OSBPL8: variants seen among roughly 807,000 people sequenced by gnomAD.
OSBPL8 encodes oxysterol-binding protein-related protein 8.
A neutral mutation model predicts 125.5 loss-of-function variants in OSBPL8; 59 were observed. The ratio of observed to expected loss-of-function variants is 0.47; its 90% CI spans 0.38 to 0.58. The LOEUF (loss-of-function observed/expected upper bound fraction) is 0.58, where lower values mean the gene tolerates loss of function less well. Ranked by LOEUF, OSBPL8 falls within the 20% of genes least tolerant of loss-of-function variation. OSBPL8 has a pLI of 0.00. For missense variants in OSBPL8, 758 were observed against 1,047.8 expected (o/e 0.72, Z 3.82); for synonymous variants, 330 against 338.9 (o/e 0.97, Z 0.29).
chr12:76,487,793 G>C (rs1878314913), intron 1 of OSBPL8, among the ~76,000 whole-genome samples, 175 bp from the exon 2 acceptor site: 1 of 151,988 alleles, frequency 6.6e-6, no homozygotes, highest in Non-Finnish European at 1.5e-5. Flanking sequence ...AGAGAAAAAT[G>C]AAAGAAGAAA....
intron 1 of OSBPL8, among the ~76,000 whole-genome samples, chr12:76,513,741 T>TG (rs1416721008): frequency 7.1e-6 from 1 of 141,490 alleles, no homozygotes; most frequent in Non-Finnish European, 1.5e-5. Flanking sequence ...TTCTAACCCC[T>TG]GGGTTTTTTT....
At chr12:76,498,621 T>C (rs1694025913) in intron 1 of OSBPL8, among the ~76,000 whole-genome samples, 1 of 152,192 alleles carries the variant, frequency 6.6e-6, no homozygotes, top group Admixed American at 6.5e-5. Context: ...AAGCTCTCAT[T>C]TGAATTTCTT....
intron 1 of OSBPL8, among the ~76,000 whole-genome samples, chr12:76,530,914 T>C (rs954569068): frequency 6.6e-6 from 1 of 152,218 alleles, no homozygotes; most frequent in Admixed American, 6.5e-5. Flanking sequence ...TAAGTTCTCA[T>C]CAATGAACTA....
intron 4 of OSBPL8, among the ~76,000 whole-genome samples, chr12:76,448,453 C>T (rs564636470): frequency 1.9e-4 from 29 of 148,814 alleles, no homozygotes; most frequent in Non-Finnish European, 3.7e-4. Flanking sequence ...ATGCACAGTG[C>T]AAAAAAAAAC....
chr12:76,508,435 C>T (rs934873805), intron 1 of OSBPL8, among the ~76,000 whole-genome samples: 10 of 152,256 alleles, frequency 6.6e-5, no homozygotes, highest in South Asian at 4.2e-4. Context: ...CTAGTGACAT[C>T]ACAGCCATGG....
At chr12:76,365,946 C>G (rs761162923) in intron 21 of OSBPL8, among the ~76,000 whole-genome samples, 1 of 152,120 alleles carries the variant, frequency 6.6e-6, no homozygotes, top group Non-Finnish European at 1.5e-5. Flanking sequence ...TCCACTTGGT[C>G]ATGGTGTATA....
chr12:76,387,530 T>C (rs541131239), intron 12 of OSBPL8, among the ~76,000 whole-genome samples: 7 of 152,168 alleles, frequency 4.6e-5, no homozygotes, highest in African/African-American at 7.2e-5. Flanking sequence ...TTTGTTGCAA[T>C]CGTTGCAAAA....
chr12:76,548,112 C>T (rs1370899023), intron 1 of OSBPL8, among the ~76,000 whole-genome samples: 2 of 152,000 alleles, frequency 1.3e-5, no homozygotes, highest in African/African-American at 2.4e-5. Context: ...AAAGATGGGG[C>T]GCTAAATACA....
chr12:76,486,884 G>A (rs905446190), intron 2 of OSBPL8, among the ~76,000 whole-genome samples: 3 of 151,980 alleles, frequency 2.0e-5, no homozygotes, highest in African/African-American at 7.3e-5. Context: ...AAGAGGTTTT[G>A]GGAGAAAACA....
At chr12:76,396,274 T>TC (rs1291227040) in intron 8 of OSBPL8, among the ~76,000 whole-genome samples, 3 of 152,072 alleles carry the variant, frequency 2.0e-5, no homozygotes, top group African/African-American at 7.2e-5. Context: ...GATTAAAAAG[T>TC]CCAAGTCTTT....
chr12:76,358,883 CA>C lies in OSBPL8; in HGVS notation c.2329-73del, dbSNP rs375301562. 7,804 of 1,110,038 alleles carry C rather than the reference CA, an allele frequency of 7.0e-3. 42 individuals are homozygous for C. Among genetic ancestry groups the C allele is most frequent in the Middle Eastern group, 0.014 (67 of 4,818 alleles). The allele number at this position is 1,110,038 out of a possible 1,614,324, so 68.8% of individuals were successfully genotyped here. On this transcript the variant is annotated intron_variant, in intron 21 of 23. Coordinates refer to ENST00000261183, the MANE Select transcript of OSBPL8 (RefSeq NM_020841.5). ...CTAAAGACCAACTGTGTACAATTGTCAAAATTATCTGCACATAGGCATGATA... is the reference window on the plus strand; with the variant it reads ...CTAAAGACCAACTGTGTACAATTGTCAAATTATCTGCACATAGGCATGATA...
intron 2 of OSBPL8, among the ~76,000 whole-genome samples, chr12:76,462,605 A>T (rs1260153061): frequency 4.6e-5 from 7 of 151,756 alleles, no homozygotes; most frequent in Admixed American, 1.3e-4. Context: ...AAGACAGATG[A>T]ACATTAACAT....
chr12:76,380,065 C>T (rs931531109), intron 15 of OSBPL8, among the ~76,000 whole-genome samples: 12 of 152,130 alleles, frequency 7.9e-5, no homozygotes, highest in African/African-American at 2.7e-4. Flanking sequence ...TAAAATCAGG[C>T]AGTGAAAGAC....
rs951691343 is a variant in OSBPL8, at chr12:76,351,898, T to C, written c.*3991A>G. ...CTTTTCTTTCTGCAAACAGTTATAA[T>C]AGGTTAGGAATAATAGATTAGAAAT... On this transcript the variant is annotated 3_prime_UTR_variant, in exon 24 of 24. Coordinates refer to ENST00000261183, the MANE Select transcript of OSBPL8 (RefSeq NM_020841.5). 16 of 152,220 alleles carry C rather than the reference T, an allele frequency of 1.1e-4. No homozygotes were observed. Among genetic ancestry groups the C allele is most frequent in the African/African-American group, 3.4e-4 (14 of 41,460 alleles). 9.4% of individuals were successfully genotyped at this position (152,220 alleles called of 1,614,324 possible). A position where few individuals can be genotyped will look rare whatever the true frequency, so the allele number is the denominator to read the frequency against.
In OSBPL8 at chr12:76,369,311, T is replaced by TAA; in HGVS notation, c.2241-11_2241-10insTT. On this transcript the variant is annotated splice_polypyrimidine_tract_variant and intron_variant, in intron 20 of 23. Coordinates refer to ENST00000261183, the MANE Select transcript of OSBPL8 (RefSeq NM_020841.5). The stretch of plus-strand genomic sequence containing the variant: ...GTCCCATGGTCGGGTACTACATAAA[T>TAA]GAAAAAAAAAAAAACCATTTGCTCA... The TAA allele has an allele frequency of 1.1e-5, 17 of 1,485,314 alleles. No individual in the cohort carries two copies. Among genetic ancestry groups the TAA allele is most frequent in the Admixed American group, 1.0e-4 (4 of 38,174 alleles). The allele number at this position is 1,485,314 out of a possible 1,614,324, so 92.0% of individuals were successfully genotyped here. A position where few individuals can be genotyped will look rare whatever the true frequency, so the allele number is the denominator to read the frequency against.
chr12:76,460,545 G>A (rs1442020037), intron 2 of OSBPL8, among the ~76,000 whole-genome samples: 1 of 148,806 alleles, frequency 6.7e-6, no homozygotes, highest in Non-Finnish European at 1.5e-5. Context: ...GTTTTACTAA[G>A]TCAGACAAAC....
intron 1 of OSBPL8, among the ~76,000 whole-genome samples, chr12:76,529,975 C>T (rs995868288): frequency 2.6e-5 from 4 of 152,172 alleles, no homozygotes; most frequent in African/African-American, 9.7e-5. Flanking sequence ...AAGTAACATG[C>T]TGATTGCTCA....
In OSBPL8 at chr12:76,538,171, T is replaced by C. The variant is rs1426326015; in HGVS notation, c.-68+21226A>G. Among the ~76,000 whole-genome samples the C allele has an allele frequency of 2.0e-5, 3 of 152,160 alleles. No individual in the cohort carries two copies. The East Asian group carries it at 5.8e-4, about 29-fold the overall frequency. ...GTTAAAGAATAACCTTAACGACTTTTGCTTTTTGAACCCATATATTATACA... is the reference window on the plus strand; with the variant it reads ...GTTAAAGAATAACCTTAACGACTTTCGCTTTTTGAACCCATATATTATACA... On this transcript the variant is annotated intron_variant, in intron 1 of 23. Transcript: ENST00000261183.
chr12:76,397,579 G>T, intron 8 of OSBPL8, 115 bp downstream of exon 8: 1 of 1,052,652 alleles, frequency 9.5e-7, no homozygotes. Context: ...GCAATGGAAA[G>T]CAGAACAGAT....
Sources: gnomAD v4.1 joint callset for allele counts (sites outside exome capture counted in the v4.1 genomes callset) on GRCh38, gnomAD v4.1.1 for gene constraint, MANE v1.5 for transcripts, NCBI Gene and HGNC (gene_info 2026-07-23, HGNC 2026-07-21) for gene names.